The following AHI1 variants were observed in gnomAD, a reference collection of about 807,000 sequenced individuals.
The protein encoded by AHI1 is Abelson helper integration site 1, also known as jouberin.
In AHI1, 123 loss-of-function variants were observed where a neutral mutation model predicts 149.3. The ratio of observed to expected loss-of-function variants is 0.82; its 90% CI spans 0.71 to 0.96. The LOEUF (loss-of-function observed/expected upper bound fraction) is 0.96, where lower values mean the gene tolerates loss of function less well. Among genes scored for constraint, AHI1 ranks in the 40% least tolerant of loss-of-function variants. The pLI, the probability that AHI1 is intolerant of heterozygous loss-of-function variation, is 0.00. For synonymous variants in AHI1, 475 were observed against 459.8 expected, an observed-to-expected ratio of 1.03 and a Z score of -0.42; for missense variants, 1,439 against 1,422.7, an observed-to-expected ratio of 1.01 and a Z score of -0.18.
chr6:135,307,502 C>T (rs1356766395), intron 26 of AHI1, among the ~76,000 whole-genome samples: 2 of 151,850 alleles, frequency 1.3e-5, no homozygotes, highest in East Asian at 3.9e-4. Flanking sequence ...ATGTAAAATT[C>T]TTGTTTTTAA....
At chr6:135,326,427 C>G (rs1787696414) in intron 24 of AHI1, among the ~76,000 whole-genome samples, 2 of 152,032 alleles carry the variant, frequency 1.3e-5, no homozygotes, top group Non-Finnish European at 2.9e-5. Flanking sequence ...TCTTCTTCTT[C>G]TTCTTTTTTA....
chr6:135,357,847 G>A (rs1793237703), intron 24 of AHI1, among the ~76,000 whole-genome samples: 1 of 152,076 alleles, frequency 6.6e-6, no homozygotes. Context: ...AAGCATAATG[G>A]CCTTTTTTCA....
chr6:135,340,215 C>T (rs962810312), intron 24 of AHI1, among the ~76,000 whole-genome samples: 3 of 151,812 alleles, frequency 2.0e-5, no homozygotes, highest in African/African-American at 7.3e-5. Flanking sequence ...ACTAAAAATA[C>T]AAAAAAATTA....
rs111663688 is a variant in AHI1 at position 135,497,182 on chromosome 6, G to C, written c.-140+6C>G. 6.6e-6 allele frequency: 1 copy of C among 152,150 alleles called. No individual in the cohort carries two copies. The highest frequency in any genetic ancestry group is 1.5e-5 in the Non-Finnish European group (1 of 68,028). The allele number at this position is 152,150 out of a possible 1,614,324, so 9.4% of individuals were successfully genotyped here. A position where few individuals can be genotyped will look rare whatever the true frequency, so the allele number is the denominator to read the frequency against. On this transcript the variant is annotated splice_donor_region_variant and intron_variant, in intron 2 of 28. Transcript: ENST00000265602. The stretch of plus-strand genomic sequence containing the variant: ...TTGGCTCTTATAAATATAACAAATT[G>C]ATCACCTTTTCTCAGACATAATTAA...
intron 5 of AHI1, among the ~76,000 whole-genome samples, chr6:135,485,073 C>CTT (rs1184120839): frequency 6.2e-4 from 88 of 142,976 alleles, no homozygotes; most frequent in Non-Finnish European, 8.7e-4. Flanking sequence ...TGTACAATTT[C>CTT]TTTTTTTTTT....
chr6:135,392,996 A>C (rs1778727486), intron 23 of AHI1, among the ~76,000 whole-genome samples: 1 of 152,160 alleles, frequency 6.6e-6, no homozygotes, highest in South Asian at 2.1e-4. Flanking sequence ...ATTTCTAAGA[A>C]AGATACGCCT....
intron 11 of AHI1, among the ~76,000 whole-genome samples, chr6:135,450,852 C>A (rs1217609196): frequency 6.6e-6 from 1 of 152,092 alleles, no homozygotes; most frequent in South Asian, 2.1e-4. Flanking sequence ...ACTAAAAGAA[C>A]TGAAAGTACC....
intron 24 of AHI1, among the ~76,000 whole-genome samples, chr6:135,348,237 G>A (rs1388820975): frequency 6.6e-6 from 1 of 152,208 alleles, no homozygotes; most frequent in African/African-American, 2.4e-5. Flanking sequence ...GGAAAACCAG[G>A]GTACTAGCAG....
At chr6:135,315,767 T>C (rs1480324717) in intron 26 of AHI1, among the ~76,000 whole-genome samples, 1 of 152,212 alleles carries the variant, frequency 6.6e-6, no homozygotes, top group Non-Finnish European at 1.5e-5. Flanking sequence ...ATTATTCTTC[T>C]TGTGCTCCTA....
At chr6:135,492,889 T>TA in intron 3 of AHI1, 1 of 984,872 alleles carries the variant, frequency 1.0e-6, no homozygotes, top group Non-Finnish European at 1.2e-6. Context: ...CCCATTTTAT[T>TA]AAAAAAATCG....
At chr6:135,370,958 A>G (rs1470751568) in intron 23 of AHI1, among the ~76,000 whole-genome samples, 1 of 152,138 alleles carries the variant, frequency 6.6e-6, no homozygotes, top group Non-Finnish European at 1.5e-5. Context: ...TATTTATCCA[A>G]ATAAATTTAT....
At chr6:135,393,517 A>C (rs780994354) in intron 23 of AHI1, among the ~76,000 whole-genome samples, 7 of 152,098 alleles carry the variant, frequency 4.6e-5, no homozygotes, top group Non-Finnish European at 8.8e-5. Context: ...GTATCTATTT[A>C]GGGCGAAAAG....
At chr6:135,329,344 G>A (rs536141612) in intron 24 of AHI1, among the ~76,000 whole-genome samples, 1 of 152,286 alleles carries the variant, frequency 6.6e-6, no homozygotes. Flanking sequence ...TACAGCTGGT[G>A]ACTTCAAGTT....
chr6:135,438,564 T>C (rs1785769579), intron 14 of AHI1, 66 bp from the exon 15 acceptor site: 4 of 1,224,184 alleles, frequency 3.3e-6, no homozygotes, highest in Non-Finnish European at 2.2e-6. Context: ...TATACAAATA[T>C]ATAATTTAAT....
At chr6:135,332,536 C>A (rs145603626) in intron 24 of AHI1, among the ~76,000 whole-genome samples, 30 of 152,332 alleles carry the variant, frequency 2.0e-4, no homozygotes, top group African/African-American at 7.2e-4. Flanking sequence ...TAGGCCCCAA[C>A]AGACCAGACT....
intron 3 of AHI1, among the ~76,000 whole-genome samples, chr6:135,493,282 A>G (rs986887391): frequency 1.3e-5 from 2 of 152,226 alleles, no homozygotes; most frequent in African/African-American, 4.8e-5. Context: ...TACAGGCGTG[A>G]GCCACCACAC....
chr6:135,449,970 G>C (rs1463407922), intron 11 of AHI1, among the ~76,000 whole-genome samples: 1 of 152,230 alleles, frequency 6.6e-6, no homozygotes, highest in East Asian at 1.9e-4. Flanking sequence ...TGAAGTGGCA[G>C]AGAGAGTAGC....
At chr6:135,373,919 A>G (rs1186752862) in intron 23 of AHI1, among the ~76,000 whole-genome samples, 2 of 151,810 alleles carry the variant, frequency 1.3e-5, no homozygotes, top group Admixed American at 6.6e-5. Flanking sequence ...TATGATACCT[A>G]TGCATCCTAT....
chr6:135,366,394 C>G (rs1440905207), intron 23 of AHI1, among the ~76,000 whole-genome samples: 1 of 152,116 alleles, frequency 6.6e-6, no homozygotes, highest in Non-Finnish European at 1.5e-5. Flanking sequence ...TGATAGAATT[C>G]AGCTGTGAAT....
Sources: allele counts gnomAD v4.1 joint callset (sites outside exome capture counted in the v4.1 genomes callset), GRCh38; gene constraint gnomAD v4.1.1; transcripts MANE v1.5; gene names NCBI Gene and HGNC (gene_info 2026-07-23, HGNC 2026-07-21).